The following NAALADL2 variants were observed in gnomAD, a reference collection of about 807,000 sequenced individuals.
The protein encoded by NAALADL2 is N-acetylated alpha-linked acidic dipeptidase like 2.
Under a neutral mutation model 87.2 loss-of-function variants are expected in NAALADL2, and 76 were observed. That is an observed-to-expected ratio of 0.87 (90% CI 0.72 to 1.05). The LOEUF (loss-of-function observed/expected upper bound fraction) is 1.05. Among genes scored for constraint, NAALADL2 ranks in the 50% least tolerant of loss-of-function variants. The pLI is 0.00. For synonymous variants in NAALADL2, 354 were observed against 331.0 expected (o/e 1.07, Z -0.75); for missense variants, 1,089 against 945.8 (o/e 1.15, Z -1.99).
In NAALADL2 at chr3:175,208,537, A is replaced by G. The variant is rs148959576; in HGVS notation, c.546-25394A>G. 2.9e-3 allele frequency among the ~76,000 whole-genome samples: 441 copies of G among 152,242 alleles called. 10 individuals carry two copies. The highest frequency in any genetic ancestry group is 2.1e-3 in the Non-Finnish European group (141 of 68,028). ...ACTTGGCACTAGCTGGTCAGTCAGC[A>G]TGTGCTCGATGAGTCAACTCTGTTA... On this transcript the variant is annotated intron_variant, in intron 2 of 13. Transcript: ENST00000454872.
chr3:174,640,784 T>C (rs1723097046), intron 2 of NAALADL2, among the ~76,000 whole-genome samples: 1 of 152,226 alleles, frequency 6.6e-6, no homozygotes, highest in Non-Finnish European at 1.5e-5. Context: ...TGGGCTGGCA[T>C]TGCTTGCTGC....
chr3:175,096,797 G>T lies in NAALADL2; in HGVS notation c.51G>T (p.Lys17Asn), dbSNP rs1188153190. ...TTTTTCTTATTTTCACAGGTAAAAA[G>T]ATGGCCTATCAGAAGGTCCATGCAG... ...SLPNTSLQGK[K>N]MAYQKVHADQ... Residue 17 changes from lysine to asparagine, a missense_variant, in exon 2 of 14, where the codon AAG becomes AAT. Lys to Asn is a moderately conservative substitution (Grantham distance 94). Coordinates refer to ENST00000454872, the MANE Select transcript of NAALADL2 (RefSeq NM_207015.3). The T allele has an allele frequency of 6.7e-7, 1 of 1,496,178 alleles. No individual in the cohort carries two copies. The highest frequency in any genetic ancestry group is 8.9e-7 in the Non-Finnish European group (1 of 1,122,600). The allele number at this position is 1,496,178 out of a possible 1,614,324, so 92.7% of individuals were successfully genotyped here.
rs1257313570 is a variant in NAALADL2, at chr3:175,800,022, A to ATTTATTTATTGAATATATAG, written c.2190-2976_2190-2957dup. ...GTACTGGATGATGAATCAATTTTAT[A>ATTTATTTATTGAATATATAG]TTTATTTATTGAATATATAGTTTAT... On this transcript the variant is annotated intron_variant, in intron 13 of 13. Coordinates refer to ENST00000454872, the MANE Select transcript of NAALADL2 (RefSeq NM_207015.3). Among the ~76,000 whole-genome samples, 4 of 152,170 alleles carry ATTTATTTATTGAATATATAG rather than the reference A, an allele frequency of 2.6e-5. No individual in the cohort carries two copies. In the East Asian group the frequency reaches 7.7e-4, roughly 29 times the overall value.
At chr3:174,769,900 A>C (rs1714311531) in intron 3 of NAALADL2, among the ~76,000 whole-genome samples, 1 of 152,016 alleles carries the variant, frequency 6.6e-6, no homozygotes, top group Admixed American at 6.6e-5. Flanking sequence ...TTGGGTTTTC[A>C]ATAACCAAAT....
intron 3 of NAALADL2, among the ~76,000 whole-genome samples, chr3:174,809,877 A>G (rs1425214796): frequency 1.3e-5 from 2 of 152,202 alleles, no homozygotes; most frequent in African/African-American, 4.8e-5. Flanking sequence ...ATGGTTTAGC[A>G]TCATCCTTTT....
chr3:174,999,356 TATAA>T (rs1288373849), intron 1 of NAALADL2, among the ~76,000 whole-genome samples: 3 of 152,206 alleles, frequency 2.0e-5, no homozygotes, highest in Non-Finnish European at 4.4e-5. Flanking sequence ...CAATTTCTTC[TATAA>T]ATATTTATTT....
chr3:174,690,823 G>A (rs1487605551), intron 2 of NAALADL2, among the ~76,000 whole-genome samples: 1 of 152,084 alleles, frequency 6.6e-6, no homozygotes, highest in Non-Finnish European at 1.5e-5. Flanking sequence ...TTTTTTAAAA[G>A]TACAAACCTA....
intron 1 of NAALADL2, among the ~76,000 whole-genome samples, chr3:174,967,244 T>C (rs1743004489): frequency 6.6e-6 from 1 of 152,092 alleles, no homozygotes. Context: ...ACCGTTTGTT[T>C]CATATATTAT....
In NAALADL2 at chr3:175,576,119, G is replaced by C; in HGVS notation, c.1732G>C (p.Asp578His). 8 of 1,613,530 alleles carry C rather than the reference G, an allele frequency of 5.0e-6. No homozygotes were observed. The highest frequency in any genetic ancestry group is 6.8e-6 in the Non-Finnish European group (8 of 1,179,504). Residue 578 changes from aspartate to histidine, a missense_variant, in exon 10 of 14, where the codon GAT (aspartate) becomes CAT (histidine). By Grantham distance (81) the Asp-to-His change is moderately conservative (BLOSUM62 -1). Coordinates refer to ENST00000454872, the MANE Select transcript of NAALADL2 (RefSeq NM_207015.3). The stretch of plus-strand genomic sequence containing the variant: ...TTCTATACAGATACAAGGTGATGCT[G>C]ATTATTTCATCAACCATCTTGGAGT... ...ISSIQIQGDA[D>H]YFINHLGVPI...
chr3:175,327,643 G>C (rs904844180), intron 5 of NAALADL2, among the ~76,000 whole-genome samples: 2 of 152,238 alleles, frequency 1.3e-5, no homozygotes, highest in African/African-American at 2.4e-5. Context: ...AACAAGAAAC[G>C]TGTAGAGAAG....
At chr3:175,730,427 T>TAG in intron 11 of NAALADL2, among the ~76,000 whole-genome samples, 1 of 91,142 alleles carries the variant, frequency 1.1e-5, no homozygotes, top group Admixed American at 1.1e-4. Context: ...TATATATATA[T>TAG]ATATATATAT....
intron 9 of NAALADL2, among the ~76,000 whole-genome samples, chr3:175,523,561 T>C (rs1259493914): frequency 6.6e-6 from 1 of 152,248 alleles, no homozygotes; most frequent in Non-Finnish European, 1.5e-5. Flanking sequence ...AAATTTTCTT[T>C]TTAATCCTCC....
chr3:175,054,392 G>T (rs537793078), intron 1 of NAALADL2, among the ~76,000 whole-genome samples: 1 of 152,158 alleles, frequency 6.6e-6, no homozygotes. Context: ...CAATTTTTTG[G>T]AATTATAGCA....
intron 2 of NAALADL2, among the ~76,000 whole-genome samples, chr3:174,581,782 C>G (rs1317324696): frequency 6.6e-6 from 1 of 152,136 alleles, no homozygotes; most frequent in Non-Finnish European, 1.5e-5. Context: ...AGGACTGATG[C>G]ATGTCATCTC....
intron 1 of NAALADL2, among the ~76,000 whole-genome samples, chr3:175,066,599 T>G (rs1358911664): frequency 1.3e-5 from 2 of 152,084 alleles, no homozygotes; most frequent in East Asian, 3.9e-4. Context: ...TGGCTTATGG[T>G]GAGGTGGGAT....
chr3:175,115,704 A>T (rs1274630737), intron 2 of NAALADL2, among the ~76,000 whole-genome samples: 1 of 151,640 alleles, frequency 6.6e-6, no homozygotes, highest in Non-Finnish European at 1.5e-5. Context: ...TTCTGCTTGG[A>T]TAGGATATTT....
intron 10 of NAALADL2, among the ~76,000 whole-genome samples, chr3:175,604,447 G>T (rs1318536457): frequency 6.6e-6 from 1 of 151,626 alleles, no homozygotes; most frequent in African/African-American, 2.4e-5. Flanking sequence ...GGGACTACAG[G>T]CACCCACCAC....
intron 2 of NAALADL2, among the ~76,000 whole-genome samples, chr3:174,552,644 A>G (rs1712262653): frequency 6.6e-6 from 1 of 151,730 alleles, no homozygotes; most frequent in East Asian, 1.9e-4. Flanking sequence ...AAAAATACCA[A>G]AATTAGCTGG....
rs1333147699 is a variant in NAALADL2, at chr3:175,597,472, T to G, written c.1800+21285T>G. ...ATTCTAGCCTTGTTTCTTACTGGAT[T>G]GTAACCTTTTATAAATAATTTAATA... is the stretch of plus-strand genomic sequence containing the variant. On this transcript the variant is annotated intron_variant, in intron 10 of 13. Coordinates refer to ENST00000454872, the MANE Select transcript of NAALADL2 (RefSeq NM_207015.3). Among the ~76,000 whole-genome samples, 4 of 152,014 alleles carry G rather than the reference T, an allele frequency of 2.6e-5. No individual in the cohort carries two copies. In the East Asian group the frequency reaches 7.7e-4, roughly 29 times the overall value.
Sources: gnomAD v4.1 joint callset for allele counts (sites outside exome capture counted in the v4.1 genomes callset) on GRCh38, gnomAD v4.1.1 for gene constraint, MANE v1.5 for transcripts, NCBI Gene and HGNC (gene_info 2026-07-23, HGNC 2026-07-21) for gene names.